Variants in FMNL3 observed in about 807,000 individuals in gnomAD.
FMNL3 encodes the protein formin-like protein 3.
FMNL3 carries 57 observed loss-of-function variants against 119.6 expected under a neutral mutation model. The ratio of observed to expected loss-of-function variants is 0.48; its 90% CI spans 0.39 to 0.59. The LOEUF (loss-of-function observed/expected upper bound fraction) is 0.59. FMNL3 is among the 20% of genes least tolerant of loss of function. The probability of loss-of-function intolerance (pLI) is 0.00; values close to 1 mark genes in which losing one functional copy is unlikely to be tolerated. For missense variants in FMNL3, 1,053 were observed against 1,323.5 expected (o/e 0.80, Z 3.17); for synonymous variants, 491 against 507.3 (o/e 0.97, Z 0.43).
At chr12:49,696,471 T>A (rs1451785769) in intron 1 of FMNL3, among the ~76,000 whole-genome samples, 1 of 152,210 alleles carries the variant, frequency 6.6e-6, no homozygotes, top group Non-Finnish European at 1.5e-5. Context: ...TTCAAGGCCT[T>A]GTTGTTTAAG....
At position 49,698,168 on chromosome 12, in the gene FMNL3, A is replaced by G. The variant is rs2139039603; in HGVS notation, c.126+8887T>C. Among the ~76,000 whole-genome samples, 2 of 152,268 alleles carry G rather than the reference A, an allele frequency of 1.3e-5. 1 individual carries two copies. The highest frequency in any genetic ancestry group is 4.1e-4 in the South Asian group (2 of 4,832). On this transcript the variant is annotated intron_variant, in intron 1 of 25. Transcript: ENST00000335154. ...ATTCTCCATTCTGAATTTGAGTAGA[A>G]ATGAGCAAACAGGGGAGAAACAAAG...
intron 4 of FMNL3, among the ~76,000 whole-genome samples, chr12:49,664,763 G>T (rs1943840147): frequency 6.6e-6 from 1 of 152,194 alleles, no homozygotes; most frequent in South Asian, 2.1e-4. Context: ...TGTTTCCCTT[G>T]TGATTGCTGC....
At chr12:49,702,791 C>G (rs780420063) in intron 1 of FMNL3, among the ~76,000 whole-genome samples, 1 of 152,088 alleles carries the variant, frequency 6.6e-6, no homozygotes, top group Non-Finnish European at 1.5e-5. Flanking sequence ...CTTTCCCTGC[C>G]CCCTCCCAAG....
At chr12:49,706,091 G>T (rs1202604011) in intron 1 of FMNL3, among the ~76,000 whole-genome samples, 1 of 152,170 alleles carries the variant, frequency 6.6e-6, no homozygotes, top group Admixed American at 6.5e-5. Context: ...ATTTCTCAAA[G>T]ATTAACCCCG....
At chr12:49,704,196 G>C (rs1353978100) in intron 1 of FMNL3, among the ~76,000 whole-genome samples, 2 of 152,138 alleles carry the variant, frequency 1.3e-5, no homozygotes, top group African/African-American at 4.8e-5. Flanking sequence ...TAACTTGCTT[G>C]AGGTCAAACA....
chr12:49,644,225 T>C lies in FMNL3; in HGVS notation c.*1590A>G, dbSNP rs1214562651. On this transcript the variant is annotated 3_prime_UTR_variant, in exon 26 of 26. Transcript: ENST00000335154. The stretch of plus-strand genomic sequence containing the variant: ...AGCTGTTCTCTGCCTCGGGTCTGTG[T>C]GAGGCCATGGCTCCTGGGCCACCCT... 6.2e-7 allele frequency: 1 copy of C among 1,609,914 alleles called. No individual in the cohort carries two copies. Among genetic ancestry groups the C allele is most frequent in the East Asian group, 2.2e-5 (1 of 44,882 alleles).
At position 49,647,661 on chromosome 12, in the gene FMNL3, T is replaced by C. The variant is rs1943249873; in HGVS notation, c.2778+42A>G. On this transcript the variant is annotated intron_variant, in intron 23 of 25. Coordinates refer to ENST00000335154, the MANE Select transcript of FMNL3 (RefSeq NM_175736.5). This position sits in a 1 kb window ranked among gnomAD's most constrained non-coding sequence, Gnocchi z 4.9. ...CCCAGGCTTCTCTCCCCCAGCCAGT[T>C]TTCTCGCAACCAAACTTCTTAAAAA... 2 of 1,573,594 alleles carry C rather than the reference T, an allele frequency of 1.3e-6. No homozygotes were observed. Among genetic ancestry groups the C allele is most frequent in the Non-Finnish European group, 1.7e-6 (2 of 1,143,840 alleles).
Position 49,662,045 on chromosome 12 carries a change from C to A in FMNL3, c.373G>T (p.Val125Leu). ...ISLRTNHIGW[V>L]REFLNDENKG... ...TTTTCATCATTCAGAAATTCCCGCA[C>A]CCACCTGCAGATAAAGGAAACACAG... Residue 125 changes from valine (V) to leucine (L), a missense_variant, in exon 5 of 26, where the codon GTG becomes TTG. By Grantham distance (32) the Val-to-Leu change is conservative (BLOSUM62 1). Coordinates refer to ENST00000335154, the MANE Select transcript of FMNL3 (RefSeq NM_175736.5). 1 of 1,614,096 alleles carries A rather than the reference C, an allele frequency of 6.2e-7. No individual in the cohort carries two copies. Among genetic ancestry groups the A allele is most frequent in the Non-Finnish European group, 8.5e-7 (1 of 1,180,020 alleles).
At chr12:49,673,768 C>T (rs540496954) in intron 1 of FMNL3, among the ~76,000 whole-genome samples, 13 of 152,404 alleles carry the variant, frequency 8.5e-5, no homozygotes, top group African/African-American at 9.6e-5. Context: ...CCCGCCCAGA[C>T]GGCAGGCCAG....
chr12:49,637,860 G>A lies in FMNL3; in HGVS notation c.*7955C>T. 1.3e-6 allele frequency: 2 copies of A among 1,523,066 alleles called. No homozygotes were observed. Among genetic ancestry groups the A allele is most frequent in the Non-Finnish European group, 1.8e-6 (2 of 1,099,718 alleles). 94.3% of individuals were successfully genotyped at this position (1,523,066 alleles called of 1,614,324 possible). A position where few individuals can be genotyped will look rare whatever the true frequency, so the allele number is the denominator to read the frequency against. On this transcript the variant is annotated 3_prime_UTR_variant, in exon 26 of 26. Coordinates refer to ENST00000335154, the MANE Select transcript of FMNL3 (RefSeq NM_175736.5). ...CTGGGGTTATGGATGGATACAGGATGGATGCAGGGCACACTCCCTGCAGAG... is the reference window on the plus strand; with the variant it reads ...CTGGGGTTATGGATGGATACAGGATAGATGCAGGGCACACTCCCTGCAGAG...
At position 49,643,294 on chromosome 12, in the gene FMNL3, C is replaced by A; in HGVS notation, c.*2521G>T. Reference sequence around the variant, plus strand: ...CCCCCAAGCGGAGGAGGCGGAACCCCTCAGAGTCAGGCTCTGAGCCCTCTT... The same window carrying A: ...CCCCCAAGCGGAGGAGGCGGAACCCATCAGAGTCAGGCTCTGAGCCCTCTT... On this transcript the variant is annotated 3_prime_UTR_variant, in exon 26 of 26. Coordinates refer to ENST00000335154, the MANE Select transcript of FMNL3 (RefSeq NM_175736.5). The A allele has an allele frequency of 1.2e-6, 2 of 1,613,416 alleles. No individual in the cohort carries two copies. Among genetic ancestry groups the A allele is most frequent in the Non-Finnish European group, 1.7e-6 (2 of 1,179,802 alleles).
intron 2 of FMNL3, among the ~76,000 whole-genome samples, chr12:49,667,343 C>A (rs1036336786): frequency 2.6e-5 from 4 of 152,170 alleles, no homozygotes. Context: ...CAATTAAAGA[C>A]CCTCAATATC....
intron 1 of FMNL3, chr12:49,688,391 T>C: frequency 2.2e-6 from 1 of 456,002 alleles, no homozygotes; most frequent in Non-Finnish European, 4.4e-6. Context: ...ACAATTAATT[T>C]CCAAACTCCT....
At chr12:49,692,059 A>AAAAC (rs1944621207) in intron 1 of FMNL3, among the ~76,000 whole-genome samples, 2 of 150,212 alleles carry the variant, frequency 1.3e-5, no homozygotes, top group Admixed American at 1.3e-4. Context: ...AAAAAAAAAA[A>AAAAC]AAGTTGGGTC....
intron 1 of FMNL3, among the ~76,000 whole-genome samples, chr12:49,686,310 G>A (rs2138975213): frequency 6.6e-6 from 1 of 151,616 alleles, no homozygotes; most frequent in South Asian, 2.1e-4. Context: ...GGCTGGACGT[G>A]GTGGCTCACA....
chr12:49,689,037 G>C (rs760506957), intron 1 of FMNL3, among the ~76,000 whole-genome samples: 2 of 152,176 alleles, frequency 1.3e-5, no homozygotes, highest in Admixed American at 6.5e-5. Context: ...AGGATCACTT[G>C]AGCCCAGGAA....
intron 4 of FMNL3, among the ~76,000 whole-genome samples, 154 bp from the exon 5 acceptor site, chr12:49,662,203 C>T (rs764880378): frequency 2.0e-5 from 3 of 152,172 alleles, no homozygotes; most frequent in African/African-American, 4.8e-5. Context: ...GACCCATCCA[C>T]GGTCATGGAC....
intron 25 of FMNL3, 126 bp from the exon 26 acceptor site, chr12:49,646,029 A>G: frequency 1.3e-6 from 1 of 759,272 alleles, no homozygotes; most frequent in Non-Finnish European, 2.1e-6. Flanking sequence ...GGAGGCTTAG[A>G]TAAGGCTTGA....
At chr12:49,651,032 A>G in intron 16 of FMNL3, 136 bp downstream of exon 16, 1 of 1,455,238 alleles carries the variant, frequency 6.9e-7, no homozygotes. Flanking sequence ...ATATACGTAC[A>G]CTCAAGAATG....
Sources: allele counts gnomAD v4.1 joint callset (sites outside exome capture counted in the v4.1 genomes callset), GRCh38; gene constraint gnomAD v4.1.1; non-coding constraint Gnocchi (gnomAD v3.1); transcripts MANE v1.5; gene names NCBI Gene and HGNC (gene_info 2026-07-23, HGNC 2026-07-21).